The following PRELID2 variants were observed in gnomAD, a reference collection of about 807,000 sequenced individuals.
PRELID2 encodes PRELI domain containing 2.
A neutral mutation model predicts 28.4 loss-of-function variants in PRELID2; 25 were observed. That is an observed-to-expected ratio of 0.88 (90% CI 0.64 to 1.23). The LOEUF (loss-of-function observed/expected upper bound fraction) is 1.23. Among genes scored for constraint, PRELID2 ranks in the 50% most tolerant of loss-of-function variants. PRELID2 has a pLI of 0.00. For missense variants in PRELID2, 201 were observed against 214.4 expected (o/e 0.94, Z 0.39); for synonymous variants, 76 against 71.6 (o/e 1.06, Z -0.31).
At chr5:145,781,113 G>A (rs149485249) in intron 5 of PRELID2, among the ~76,000 whole-genome samples, 21 of 152,274 alleles carry the variant, frequency 1.4e-4, no homozygotes, top group South Asian at 1.2e-3. Flanking sequence ...CATTAGGGGT[G>A]GCTACAACCA....
intron 1 of PRELID2, among the ~76,000 whole-genome samples, chr5:145,690,197 GC>G (rs1445555123): frequency 1.3e-5 from 2 of 151,846 alleles, no homozygotes; most frequent in African/African-American, 2.4e-5. Flanking sequence ...TCACCATGGT[GC>G]CCCCGGCCGG....
At position 145,779,518 on chromosome 5, in the gene PRELID2, T is replaced by C. The variant is rs1355907256; in HGVS notation, c.475-14518A>G. On this transcript the variant is annotated intron_variant, in intron 5 of 6. Coordinates refer to ENST00000683046, the MANE Select transcript of PRELID2 (RefSeq NM_205846.3). ...ATGAATTTGAAGTTTATGTAGTTAC[T>C]GTGAAAGGGATTATAAAATATTACT... Among the ~76,000 whole-genome samples the C allele has an allele frequency of 7.7e-5, 4 of 51,814 alleles. No individual in the cohort carries two copies. In the East Asian group the frequency reaches 4.4e-3, roughly 57 times the overall value. 34.0% of individuals were successfully genotyped at this position (51,814 alleles called of 152,430 possible).
the PRELID2 span, among the ~76,000 whole-genome samples, chr5:145,440,359 G>T: frequency 6.6e-6 from 1 of 152,012 alleles, no homozygotes; most frequent in African/African-American, 2.4e-5. Context: ...CTCTGATTTG[G>T]TATCCTTGGG....
At chr5:145,597,062 T>C (rs946136995) in intron 1 of PRELID2, among the ~76,000 whole-genome samples, 3 of 152,150 alleles carry the variant, frequency 2.0e-5, no homozygotes, top group African/African-American at 7.2e-5. Flanking sequence ...AGAGTTAACC[T>C]TGCTGAACAT....
chr5:145,487,014 T>C (rs1752223713), intron 1 of PRELID2, among the ~76,000 whole-genome samples: 1 of 143,724 alleles, frequency 7.0e-6, no homozygotes, highest in Non-Finnish European at 1.5e-5. Flanking sequence ...CACCGCATAT[T>C]CTCACTCATA....
the PRELID2 span, among the ~76,000 whole-genome samples, chr5:145,398,691 G>A: frequency 6.6e-5 from 10 of 152,062 alleles, no homozygotes; most frequent in Non-Finnish European, 1.2e-4. Flanking sequence ...TCCTGTTCAC[G>A]TGGAGCTTGC....
chr5:145,823,621 G>A (rs1754977688), intron 1 of PRELID2, among the ~76,000 whole-genome samples: 2 of 152,120 alleles, frequency 1.3e-5, no homozygotes, highest in South Asian at 2.1e-4. Context: ...TGGAGCCAGG[G>A]AATTAAACCA....
chr5:145,495,211 A>C (rs1752300275), intron 1 of PRELID2, among the ~76,000 whole-genome samples: 1 of 152,166 alleles, frequency 6.6e-6, no homozygotes, highest in African/African-American at 2.4e-5. Flanking sequence ...TTATGGGCAC[A>C]GTCTCTCAGC....
At chr5:145,299,635 A>ATATG in the PRELID2 span, among the ~76,000 whole-genome samples, 1 of 107,556 alleles carries the variant, frequency 9.3e-6, no homozygotes, top group African/African-American at 3.8e-5. Flanking sequence ...CTACATATAT[A>ATATG]TGTGTGTGCG....
chr5:145,429,704 A>G, the PRELID2 span, among the ~76,000 whole-genome samples: 4 of 152,006 alleles, frequency 2.6e-5, no homozygotes, highest in African/African-American at 9.6e-5. Flanking sequence ...CCCAAGTACC[A>G]GAAATATGAT....
chr5:145,653,663 G>A (rs1754339965), intron 1 of PRELID2, among the ~76,000 whole-genome samples: 1 of 152,148 alleles, frequency 6.6e-6, no homozygotes, highest in African/African-American at 2.4e-5. Context: ...GGTACATAAC[G>A]AAATGAAGGC....
intron 1 of PRELID2, among the ~76,000 whole-genome samples, chr5:145,571,528 T>C (rs893761208): frequency 8.5e-5 from 13 of 152,202 alleles, no homozygotes; most frequent in African/African-American, 3.1e-4. Flanking sequence ...CTAATATATA[T>C]TTCTTTGACA....
intron 1 of PRELID2, among the ~76,000 whole-genome samples, chr5:145,494,234 A>C (rs1438179416): frequency 6.6e-6 from 1 of 152,208 alleles, no homozygotes; most frequent in Non-Finnish European, 1.5e-5. Flanking sequence ...ATGCCCACTA[A>C]ACTATATTCT....
At chr5:145,413,227 T>C in the PRELID2 span, among the ~76,000 whole-genome samples, 4 of 151,988 alleles carry the variant, frequency 2.6e-5, no homozygotes, top group African/African-American at 9.7e-5. Context: ...TAAAAAAATA[T>C]GAAAAATGCT....
chr5:145,817,396 T>C (rs1754424027), intron 4 of PRELID2, among the ~76,000 whole-genome samples: 1 of 121,286 alleles, frequency 8.2e-6, no homozygotes, highest in Non-Finnish European at 1.8e-5. Flanking sequence ...GATTGAATTA[T>C]ATGCAATAAA....
intron 1 of PRELID2, among the ~76,000 whole-genome samples, chr5:145,697,593 T>C (rs912560012): frequency 3.9e-5 from 6 of 152,224 alleles, no homozygotes; most frequent in Middle Eastern, 3.2e-3. Context: ...AGAGACTCTA[T>C]GGCCTGCAAA....
chr5:145,740,294 A>ATATATATATATATATT (rs1756627907), intron 1 of PRELID2, among the ~76,000 whole-genome samples: 3 of 95,106 alleles, frequency 3.2e-5, no homozygotes, highest in African/African-American at 1.3e-4. Flanking sequence ...ATATATATAT[A>ATATATATATATATATT]TATATATATA....
At chr5:145,785,595 G>A (rs771468918) in intron 5 of PRELID2, among the ~76,000 whole-genome samples, 13 of 152,156 alleles carry the variant, frequency 8.5e-5, no homozygotes, top group Non-Finnish European at 1.9e-4. Flanking sequence ...AGAAACTTCA[G>A]TCAGACACCA....
the PRELID2 span, among the ~76,000 whole-genome samples, chr5:145,254,983 A>G: frequency 6.6e-6 from 1 of 152,140 alleles, no homozygotes; most frequent in South Asian, 2.1e-4. Context: ...ATTTAACTAA[A>G]GCAACAGCAA....
Sources: gnomAD v4.1 joint callset for allele counts (sites outside exome capture counted in the v4.1 genomes callset) on GRCh38, gnomAD v4.1.1 for gene constraint, MANE v1.5 for transcripts, NCBI Gene and HGNC (gene_info 2026-07-23, HGNC 2026-07-21) for gene names.